The following VPS16 variants were observed in gnomAD, a reference collection of about 807,000 sequenced individuals.
VPS16 encodes the protein VPS16 core subunit of CORVET and HOPS complexes.
Under a neutral mutation model 116.0 loss-of-function variants are expected in VPS16, and 82 were observed. The observed-to-expected ratio is 0.71, with a 90% confidence interval of 0.59 to 0.85. VPS16 has a LOEUF of 0.85. VPS16 is among the 40% of genes least tolerant of loss of function. The pLI, the probability that VPS16 is intolerant of heterozygous loss-of-function variation, is 0.00. For missense variants in VPS16, 928 were observed against 1,090.6 expected (o/e 0.85, Z 2.10); for synonymous variants, 406 against 420.7 (o/e 0.96, Z 0.43).
intron 1 of VPS16, among the ~76,000 whole-genome samples, chr20:2,842,916 T>TAGATAGATAGA (rs1189847375): frequency 4.1e-3 from 12 of 2,956 alleles, no homozygotes; most frequent in Non-Finnish European, 6.7e-3. Context: ...ATGTTATGGA[T>TAGATAGATAGA]TGCAAGTAAA....
chr20:2,866,650 C>A lies in VPS16; in HGVS notation c.*76C>A. The A allele has an allele frequency of 1.9e-6, 3 of 1,581,716 alleles. No individual in the cohort carries two copies. Among genetic ancestry groups the A allele is most frequent in the Non-Finnish European group, 2.6e-6 (3 of 1,163,202 alleles). On this transcript the variant is annotated 3_prime_UTR_variant, in exon 24 of 24. Coordinates refer to ENST00000380445, the MANE Select transcript of VPS16 (RefSeq NM_022575.4). ...GCTTGGCAGAAGGGCCATAGTTCAT[C>A]CAGCTCCTCCCCTAGAGCAATGCTG...
chr20:2,862,041 C>T lies in VPS16; in HGVS notation c.995-13C>T, dbSNP rs750897649. ...CCTGCCTTTCTCCCTCACTCACCAA[C>T]TCCCTTCCCCAGCGGCCAGCGAGGA... On this transcript the variant is annotated splice_polypyrimidine_tract_variant and intron_variant, in intron 10 of 23. Coordinates refer to ENST00000380445, the MANE Select transcript of VPS16 (RefSeq NM_022575.4). 1 of 1,613,414 alleles carries T rather than the reference C, an allele frequency of 6.2e-7. No individual in the cohort carries two copies. Among genetic ancestry groups the T allele is most frequent in the Non-Finnish European group, 8.5e-7 (1 of 1,179,768 alleles).
At position 2,864,418 on chromosome 20, in the gene VPS16, A is replaced by G. The variant is rs1448396872; in HGVS notation, c.1774A>G (p.Met592Val). Residue 592 changes from methionine to valine, a missense_variant, in exon 18 of 24, where the codon ATG (methionine) becomes GTG (valine). Met to Val is a conservative substitution (Grantham distance 21). Coordinates refer to ENST00000380445, the MANE Select transcript of VPS16 (RefSeq NM_022575.4). The surrounding 1 kb of genome is among the most constrained non-coding windows in gnomAD (Gnocchi z 5.2). ...CGAGCTGAACCGAGGAGATTTTTTC[A>G]TGACCCTTCGGAATCAGCCCATGGC... ...KNELNRGDFF[M>V]TLRNQPMALS... 1 of 1,614,056 alleles carries G rather than the reference A, an allele frequency of 6.2e-7. No individual in the cohort carries two copies. The highest frequency in any genetic ancestry group is 1.3e-5 in the African/African-American group (1 of 74,982).
In VPS16 at chr20:2,862,876, C is replaced by T. The variant is rs2089252512; in HGVS notation, c.1273C>T (p.Leu425=). The T allele has an allele frequency of 6.2e-7, 1 of 1,614,152 alleles. No homozygotes were observed. The highest frequency in any genetic ancestry group is 2.2e-5 in the East Asian group (1 of 44,882). ...PDSFVHMCQD[L]RVLNAVRDYH... Reference sequence around the variant, plus strand: ...CAGCTTCGTGCACATGTGTCAGGACCTGCGTGTGCTCAATGCTGTTCGGGA... The same window carrying T: ...CAGCTTCGTGCACATGTGTCAGGACTTGCGTGTGCTCAATGCTGTTCGGGA... Residue 425 remains leucine, a synonymous_variant, in exon 13 of 24, where the codon CTG becomes TTG. Transcript: ENST00000380445.
At position 2,862,348 on chromosome 20, in the gene VPS16, T is replaced by G. The variant is rs947665359; in HGVS notation, c.1071+218T>G. On this transcript the variant is annotated intron_variant, in intron 11 of 23. Coordinates refer to ENST00000380445, the MANE Select transcript of VPS16 (RefSeq NM_022575.4). ...GCATCCCCACTATCCCCACCCAGTC[T>G]GGGTTACTATTGGGAGGAGTTCTCA... 4.0e-6 allele frequency: 4 copies of G among 1,011,570 alleles called. No individual in the cohort carries two copies. The African/African-American group carries it at 6.5e-5, about 16-fold the overall frequency. 62.7% of individuals were successfully genotyped at this position (1,011,570 alleles called of 1,614,324 possible). A position where few individuals can be genotyped will look rare whatever the true frequency, so the allele number is the denominator to read the frequency against.
rs1568630776 is a variant in VPS16, at chr20:2,865,241, G to C, written c.2098G>C (p.Val700Leu). Residue 700 changes from valine (V) to leucine (L), a missense_variant, in exon 21 of 24, where the codon GTT becomes CTT. By Grantham distance (32) the Val-to-Leu change is conservative. Coordinates refer to ENST00000380445, the MANE Select transcript of VPS16 (RefSeq NM_022575.4). This position sits in a 1 kb window ranked among gnomAD's most constrained non-coding sequence, Gnocchi z 5.2. Reference protein sequence around the residue: ...QFLDLSLHDTVTTLILGGHNK... With the variant: ...QFLDLSLHDTLTTLILGGHNK... ...CCTAGACCTGTCTCTACATGACACA[G>C]TTACCACCCTCATTCTTGGCGGTCA... 1 of 1,614,196 alleles carries C rather than the reference G, an allele frequency of 6.2e-7. No individual in the cohort carries two copies. Among genetic ancestry groups the C allele is most frequent in the Non-Finnish European group, 8.5e-7 (1 of 1,180,040 alleles).
At chr20:2,858,216 C>T (rs1449222642) in intron 1 of VPS16, among the ~76,000 whole-genome samples, 3 of 151,960 alleles carry the variant, frequency 2.0e-5, no homozygotes, top group African/African-American at 4.8e-5. Flanking sequence ...TGCCTCAGCC[C>T]CCCAAGTAGC....
rs2088959222 is a variant in VPS16, at chr20:2,840,835, G to GGGGCCCCC, written c.53+8_53+9insGGGCCCCC. On this transcript the variant is annotated intron_variant, in intron 1 of 23. Coordinates refer to ENST00000380445, the MANE Select transcript of VPS16 (RefSeq NM_022575.4). Reference sequence around the variant, plus strand: ...GGACTCTGCCTTTTACCGGTGAGCTGCCCCGCCCTCCCGCCCACGGCCTGG... The same window carrying GGGGCCCCC: ...GGACTCTGCCTTTTACCGGTGAGCTGGGGCCCCCCCCCGCCCTCCCGCCCACGGCCTGG... The GGGGCCCCC allele has an allele frequency of 7.2e-6, 11 of 1,523,260 alleles. No homozygotes were observed. The highest frequency in any genetic ancestry group is 1.4e-5 in the African/African-American group (1 of 72,430). The allele number at this position is 1,523,260 out of a possible 1,614,324, so 94.4% of individuals were successfully genotyped here.
chr20:2,842,647 G>GATGTATCTAT (rs2088993421), intron 1 of VPS16, among the ~76,000 whole-genome samples: 11 of 86,328 alleles, frequency 1.3e-4, no homozygotes, highest in Non-Finnish European at 2.3e-4. Flanking sequence ...TAGATAGATA[G>GATGTATCTAT]ATATAGATAG....
In VPS16 at chr20:2,864,896, T is replaced by G; in HGVS notation, c.1927-82T>G. On this transcript the variant is annotated intron_variant, in intron 19 of 23. Coordinates refer to ENST00000380445, the MANE Select transcript of VPS16 (RefSeq NM_022575.4). The surrounding 1 kb of genome is among the most constrained non-coding windows in gnomAD (Gnocchi z 5.2). ...ACCCTGGCGACCCTGGGCACAGGGA[T>G]GGGGGAGAAGACTGTAGCCTGGGTG... The G allele has an allele frequency of 1.3e-6, 2 of 1,578,516 alleles. No homozygotes were observed. Among genetic ancestry groups the G allele is most frequent in the Non-Finnish European group, 1.7e-6 (2 of 1,150,416 alleles).
In VPS16 at chr20:2,860,975, C is replaced by T. The variant is rs138844276; in HGVS notation, c.636C>T (p.Pro212=). The part of the protein sequence containing the change: ...LDHAACSAVT[P]PGLAPGVSSF... ...CTACCCTGGCTCTGCCTCAGACGCCCCCTGGCCTGGCCCCAGGAGTAAGCA... is the reference window on the plus strand; with the variant it reads ...CTACCCTGGCTCTGCCTCAGACGCCTCCTGGCCTGGCCCCAGGAGTAAGCA... The change falls in exon 7 of 24, where the codon CCC becomes CCT. Residue 212 remains proline (P), a synonymous_variant. Transcript: ENST00000380445. This position sits in a 1 kb window ranked among gnomAD's most constrained non-coding sequence, Gnocchi z 6.1. The T allele has an allele frequency of 1.2e-3, 1,883 of 1,614,154 alleles. 1 individual carries two copies. Among genetic ancestry groups the T allele is most frequent in the Non-Finnish European group, 1.3e-3 (1,489 of 1,180,030 alleles).
intron 1 of VPS16, among the ~76,000 whole-genome samples, chr20:2,855,404 G>T (rs1336346606): frequency 1.3e-5 from 2 of 151,984 alleles, no homozygotes; most frequent in Non-Finnish European, 2.9e-5. Flanking sequence ...AGCACAGATA[G>T]AGTAGATTTA....
Position 2,865,711 on chromosome 20 carries a change from G to A in VPS16, c.2271+216G>A, listed in dbSNP as rs1186158634. Among the ~76,000 whole-genome samples, 1 of 152,222 alleles carries A rather than the reference G, an allele frequency of 6.6e-6. No homozygotes were observed. Among genetic ancestry groups the A allele is most frequent in the African/African-American group, 2.4e-5 (1 of 41,460 alleles). ...CCAAGTTTGCCTGCAGATGTTACGG[G>A]GAGAGAGAATGAGCTGCTTTCCCCA... On this transcript the variant is annotated intron_variant, in intron 22 of 23. Coordinates refer to ENST00000380445, the MANE Select transcript of VPS16 (RefSeq NM_022575.4). This position sits in a 1 kb window ranked among gnomAD's most constrained non-coding sequence, Gnocchi z 5.2.
At chr20:2,842,166 G>A (rs1412892041) in intron 1 of VPS16, among the ~76,000 whole-genome samples, 3 of 152,128 alleles carry the variant, frequency 2.0e-5, no homozygotes, top group Non-Finnish European at 4.4e-5. Context: ...GCCGAGCTTT[G>A]TGGCATGTTC....
At position 2,865,668 on chromosome 20, in the gene VPS16, G is replaced by A. The variant is rs535820087; in HGVS notation, c.2271+173G>A. 6.6e-6 allele frequency among the ~76,000 whole-genome samples: 1 copy of A among 152,212 alleles called. No individual in the cohort carries two copies. Among genetic ancestry groups the A allele is most frequent in the Non-Finnish European group, 1.5e-5 (1 of 68,038 alleles). On this transcript the variant is annotated intron_variant, in intron 22 of 23. Coordinates refer to ENST00000380445, the MANE Select transcript of VPS16 (RefSeq NM_022575.4). This position sits in a 1 kb window ranked among gnomAD's most constrained non-coding sequence, Gnocchi z 5.2. ...GGGCAGGCATCATCTGCTGTGTTGG[G>A]TGCACTGGAGGATGGGTCCAAGTTT...
intron 1 of VPS16, among the ~76,000 whole-genome samples, chr20:2,853,669 ATTTTTATTT>A (rs1263905573): frequency 1.8e-4 from 27 of 151,752 alleles, no homozygotes; most frequent in African/African-American, 6.1e-4. Context: ...AGAGTATTTT[ATTTTTATTT>A]TTTTTATTTT....
intron 1 of VPS16, among the ~76,000 whole-genome samples, chr20:2,849,622 GGT>G (rs60422232): frequency 0.025 from 3,802 of 151,690 alleles, 126 homozygotes; most frequent in African/African-American, 0.074. Context: ...TTTTGGGGGG[GGT>G]GGGTGCTGTT....
At chr20:2,845,748 G>C in intron 1 of VPS16, among the ~76,000 whole-genome samples, 1 of 151,942 alleles carries the variant, frequency 6.6e-6, no homozygotes, top group Non-Finnish European at 1.5e-5. Context: ...CTGAAATTCT[G>C]TACCCTCAAA....
At chr20:2,851,871 T>C (rs2089125648) in intron 1 of VPS16, among the ~76,000 whole-genome samples, 1 of 151,938 alleles carries the variant, frequency 6.6e-6, no homozygotes, top group Non-Finnish European at 1.5e-5. Context: ...CTCAGGAGGC[T>C]GAGGTAGGAG....
Sources: allele counts gnomAD v4.1 joint callset (sites outside exome capture counted in the v4.1 genomes callset), GRCh38; gene constraint gnomAD v4.1.1; non-coding constraint Gnocchi (gnomAD v3.1); transcripts MANE v1.5; gene names NCBI Gene and HGNC (gene_info 2026-07-23, HGNC 2026-07-21).